Variants in TMCC2 observed in about 807,000 individuals in gnomAD.
TMCC2 encodes the protein transmembrane and coiled-coil domains protein 2.
A neutral mutation model predicts 49.4 loss-of-function variants in TMCC2; 16 were observed. The observed-to-expected ratio is 0.32, with a 90% confidence interval of 0.22 to 0.49. TMCC2 has a LOEUF of 0.49. TMCC2 is among the 20% of genes least tolerant of loss of function. TMCC2 has a pLI of 0.99. For synonymous variants in TMCC2, 397 were observed against 434.1 expected (o/e 0.91, Z 1.06); for missense variants, 762 against 989.8 (o/e 0.77, Z 3.09).
chr1:205,251,291 G>A (rs981148039), intron 2 of TMCC2, among the ~76,000 whole-genome samples: 2 of 152,166 alleles, frequency 1.3e-5, no homozygotes, highest in African/African-American at 4.8e-5. Flanking sequence ...TCTCTGTCCA[G>A]GGACAGGCTC....
At chr1:205,231,008 G>A (rs1053639224) in intron 1 of TMCC2, among the ~76,000 whole-genome samples, 6 of 4,374 alleles carry the variant, frequency 1.4e-3, no homozygotes, top group African/African-American at 2.6e-3. Flanking sequence ...CCCCCCCCCC[G>A]CCCCCAGAGA....
chr1:205,238,847 C>G (rs1660156937), intron 1 of TMCC2, among the ~76,000 whole-genome samples: 3 of 152,238 alleles, frequency 2.0e-5, no homozygotes, highest in Non-Finnish European at 2.9e-5. Flanking sequence ...AAAATAGACA[C>G]TGATGCTGTG....
At chr1:205,229,662 AG>A (rs1394467092) in intron 1 of TMCC2, 1 of 983,960 alleles carries the variant, frequency 1.0e-6, no homozygotes, top group African/African-American at 1.8e-5. Context: ...ACCAACCCCC[AG>A]GGTGGAGAAC....
rs956240144 is a variant in TMCC2, at chr1:205,228,502, G to A, written c.-63G>A. ...AGGCCTCATATGAATATAAGAGGGG[G>A]TGCGGTCTTCCCCAAGACGGCGCGC... On this transcript the variant is annotated 5_prime_UTR_variant, in exon 1 of 5. The change creates a new upstream start codon in the 5' untranslated region. Transcript: ENST00000358024. The A allele has an allele frequency of 6.3e-6, 9 of 1,431,628 alleles. No individual in the cohort carries two copies. The highest frequency in any genetic ancestry group is 7.7e-6 in the Non-Finnish European group (8 of 1,043,186). The allele number at this position is 1,431,628 out of a possible 1,614,324, so 88.7% of individuals were successfully genotyped here.
chr1:205,249,052 T>G (rs963255944), intron 2 of TMCC2, among the ~76,000 whole-genome samples: 1 of 152,146 alleles, frequency 6.6e-6, no homozygotes, highest in Non-Finnish European at 1.5e-5. Context: ...AGGACTCTTA[T>G]GACAGGCCCC....
intron 3 of TMCC2, among the ~76,000 whole-genome samples, chr1:205,270,357 A>T (rs1397052263): frequency 1.3e-5 from 2 of 152,210 alleles, no homozygotes; most frequent in East Asian, 3.9e-4. Flanking sequence ...AAGTCGAAGC[A>T]TGTGAATGGA....
Position 205,265,486 on chromosome 1 carries a change from T to A in TMCC2, c.748-3464T>A, listed in dbSNP as rs148813902. Among the ~76,000 whole-genome samples the A allele has an allele frequency of 3.3e-5, 5 of 152,322 alleles. No individual in the cohort carries two copies. In the East Asian group the frequency reaches 9.6e-4, roughly 29 times the overall value. On this transcript the variant is annotated intron_variant, in intron 2 of 4. Transcript: ENST00000358024. Reference sequence around the variant, plus strand: ...CTCCTCCCACTCTCCCCCTAAGTAGTTGGGACAGACTCTGTCCCTGTTACA... The same window carrying A: ...CTCCTCCCACTCTCCCCCTAAGTAGATGGGACAGACTCTGTCCCTGTTACA...
chr1:205,268,058 A>C, intron 2 of TMCC2: 1 of 985,394 alleles, frequency 1.0e-6, no homozygotes, highest in Non-Finnish European at 1.2e-6. Context: ...GAGAGCCGTA[A>C]GGTAATGGAG....
intron 2 of TMCC2, among the ~76,000 whole-genome samples, chr1:205,259,873 G>A (rs988374308): frequency 2.0e-5 from 3 of 152,220 alleles, no homozygotes; most frequent in Admixed American, 1.3e-4. Flanking sequence ...CCAGGTGTGC[G>A]TGGGCTGAGG....
At chr1:205,258,620 A>G (rs905620100) in intron 2 of TMCC2, among the ~76,000 whole-genome samples, 29 of 152,304 alleles carry the variant, frequency 1.9e-4, no homozygotes, top group Admixed American at 1.9e-3. Flanking sequence ...GCAGAGAGCC[A>G]CCAGCCCCAC....
chr1:205,241,428 C>G lies in TMCC2; in HGVS notation c.208-77C>G. 1 of 1,474,960 alleles carries G rather than the reference C, an allele frequency of 6.8e-7. No homozygotes were observed. Among genetic ancestry groups the G allele is most frequent in the Non-Finnish European group, 9.3e-7 (1 of 1,078,414 alleles). 91.4% of individuals were successfully genotyped at this position (1,474,960 alleles called of 1,614,324 possible). A position where few individuals can be genotyped will look rare whatever the true frequency, so the allele number is the denominator to read the frequency against. Reference sequence around the variant, plus strand: ...TATGCCAGTCTACCAAGGACAGACCCTTCACCTTCACCCTCCTACTGACTA... The same window carrying G: ...TATGCCAGTCTACCAAGGACAGACCGTTCACCTTCACCCTCCTACTGACTA... On this transcript the variant is annotated intron_variant, in intron 1 of 4. Coordinates refer to ENST00000358024, the MANE Select transcript of TMCC2 (RefSeq NM_014858.4). The surrounding 1 kb of genome is among the most constrained non-coding windows in gnomAD (Gnocchi z 7.3).
In TMCC2 at chr1:205,238,911, G is replaced by A. The variant is rs78496884; in HGVS notation, c.208-2594G>A. 5.2e-4 allele frequency among the ~76,000 whole-genome samples: 79 copies of A among 152,314 alleles called. 1 individual carries two copies. The East Asian group carries it at 8.9e-3, about 17-fold the overall frequency. On this transcript the variant is annotated intron_variant, in intron 1 of 4. Transcript: ENST00000358024. ...AGGCTAGTGTCAGATTATAATGACA[G>A]TATAAATCGGAACGCACTTTGCAAA...
chr1:205,272,059 TTCC>T lies in TMCC2; in HGVS notation c.2071_2073del (p.Leu691del). The T allele has an allele frequency of 1.9e-6, 3 of 1,614,162 alleles. No individual in the cohort carries two copies. Among genetic ancestry groups the T allele is most frequent in the Non-Finnish European group, 2.5e-6 (3 of 1,180,012 alleles). ...CACCACCCTCCTGGTCCTCGTCCTG[TTCC>T]TCCTCTGGAAGCACTGGGACTCCCT... is the stretch of plus-strand genomic sequence containing the variant. On this transcript the variant is annotated inframe_deletion, in exon 5 of 5. Transcript: ENST00000358024.
chr1:205,252,958 T>TA lies in TMCC2; in HGVS notation c.747+10926dup, dbSNP rs959848503. Among the ~76,000 whole-genome samples, 364 of 144,896 alleles carry TA rather than the reference T, an allele frequency of 2.5e-3. 3 individuals carry two copies. Among genetic ancestry groups the TA allele is most frequent in the African/African-American group, 3.8e-3 (150 of 39,682 alleles). ...CAACATAGTGAGACCTTGTCTCTCT[T>TA]AAAAAAAAAAAATAATAATAATAAA... On this transcript the variant is annotated intron_variant, in intron 2 of 4. Transcript: ENST00000358024.
chr1:205,268,912 G>C, intron 2 of TMCC2, 38 bp from the exon 3 acceptor site: 1 of 1,600,678 alleles, frequency 6.2e-7, no homozygotes, highest in Non-Finnish European at 8.5e-7. Context: ...ATGGTCCCAG[G>C]GTTTACCCAT....
chr1:205,250,495 C>G (rs1261121408), intron 2 of TMCC2, among the ~76,000 whole-genome samples: 2 of 151,922 alleles, frequency 1.3e-5, no homozygotes, highest in Admixed American at 1.3e-4. Context: ...GAGCTGAGAT[C>G]GCGCCATTAC....
Position 205,268,004 on chromosome 1 carries a change from G to A in TMCC2, c.748-946G>A, listed in dbSNP as rs150733392. On this transcript the variant is annotated intron_variant, in intron 2 of 4. Coordinates refer to ENST00000358024, the MANE Select transcript of TMCC2 (RefSeq NM_014858.4). ...ATTCTCGGATACTAGGAAGGACTGGGGGCTTCCACCATTATGAAGCGGAAA... is the reference window on the plus strand; with the variant it reads ...ATTCTCGGATACTAGGAAGGACTGGAGGCTTCCACCATTATGAAGCGGAAA... 753 of 985,370 alleles carry A rather than the reference G, an allele frequency of 7.6e-4. 9 individuals carry two copies. In the African/African-American group the frequency reaches 0.012, roughly 16 times the overall value. 61.0% of individuals were successfully genotyped at this position (985,370 alleles called of 1,614,324 possible).
intron 2 of TMCC2, among the ~76,000 whole-genome samples, chr1:205,266,384 A>C (rs7367930): frequency 5.9e-5 from 9 of 151,722 alleles, no homozygotes; most frequent in East Asian, 5.8e-4. Context: ...TGAGATGAGG[A>C]GTTGAAGAGC....
At position 205,264,212 on chromosome 1, in the gene TMCC2, A is replaced by G. The variant is rs1661227936; in HGVS notation, c.748-4738A>G. On this transcript the variant is annotated intron_variant, in intron 2 of 4. Coordinates refer to ENST00000358024, the MANE Select transcript of TMCC2 (RefSeq NM_014858.4). This position sits in a 1 kb window ranked among gnomAD's most constrained non-coding sequence, Gnocchi z 4.2. ...GTAAATAGTGTAGTATTTGCATAGA[A>G]CCTGCACACATCCTCCCTTTAAATC... is the stretch of plus-strand genomic sequence containing the variant. Among the ~76,000 whole-genome samples, 1 of 152,218 alleles carries G rather than the reference A, an allele frequency of 6.6e-6. No individual in the cohort carries two copies.
Sources: allele counts gnomAD v4.1 joint callset (sites outside exome capture counted in the v4.1 genomes callset), GRCh38; gene constraint gnomAD v4.1.1; non-coding constraint Gnocchi (gnomAD v3.1); transcripts MANE v1.5; gene names NCBI Gene and HGNC (gene_info 2026-07-23, HGNC 2026-07-21).